Variants in MICU3 observed in about 807,000 individuals in gnomAD.
MICU3 encodes calcium uptake protein 3, mitochondrial.
MICU3 carries 62 observed loss-of-function variants against 66.5 expected under a neutral mutation model. That is an observed-to-expected ratio of 0.93 (90% CI 0.76 to 1.15). The LOEUF (loss-of-function observed/expected upper bound fraction) is 1.15. Ranked by LOEUF, MICU3 falls within the 50% of genes most tolerant of loss-of-function variation. The pLI, the probability that MICU3 is intolerant of heterozygous loss-of-function variation, is 0.00. For synonymous variants in MICU3, 308 were observed against 240.7 expected (o/e 1.28, Z -2.59); for missense variants, 779 against 664.4 (o/e 1.17, Z -1.90).
chr8:17,072,604 A>G (rs1352139116), intron 3 of MICU3, among the ~76,000 whole-genome samples: 4 of 152,210 alleles, frequency 2.6e-5, no homozygotes, highest in Non-Finnish European at 5.9e-5. Context: ...GCAACATATC[A>G]ACAGAAGAGG....
rs1371880576 is a variant in MICU3, at chr8:17,094,697, ATTAG to A, written c.889-3758_889-3755del. On this transcript the variant is annotated intron_variant, in intron 8 of 14. Transcript: ENST00000318063. ...AAATCTGAATAACCATGGTTTGTCTATTAGTTGTTCTTTCAAGTAAAAGTGGTGG... is the reference window on the plus strand; with the variant it reads ...AAATCTGAATAACCATGGTTTGTCTATTGTTCTTTCAAGTAAAAGTGGTGG... Among the ~76,000 whole-genome samples the A allele has an allele frequency of 5.9e-5, 9 of 151,974 alleles. No individual in the cohort carries two copies. The East Asian group carries it at 1.5e-3, about 26-fold the overall frequency.
intron 1 of MICU3, among the ~76,000 whole-genome samples, chr8:17,040,942 G>C (rs1417581325): frequency 6.6e-6 from 1 of 152,166 alleles, no homozygotes; most frequent in South Asian, 2.1e-4. Context: ...CTGAGACTAG[G>C]CCTTCAGGAG....
At position 17,046,889 on chromosome 8, in the gene MICU3, T is replaced by C. The variant is rs187207877; in HGVS notation, c.382-17195T>C. ...CTCATGTGGGCTCAGGGTTAGAAGTTACATTACCCAAGCAGAGAAGGAGCA... is the reference window on the plus strand; with the variant it reads ...CTCATGTGGGCTCAGGGTTAGAAGTCACATTACCCAAGCAGAGAAGGAGCA... On this transcript the variant is annotated intron_variant, in intron 1 of 14. Transcript: ENST00000318063. Among the ~76,000 whole-genome samples the C allele has an allele frequency of 3.1e-4, 47 of 152,104 alleles. 2 individuals are homozygous for C. The highest frequency in any genetic ancestry group is 1.1e-3 in the African/African-American group (45 of 41,508).
In MICU3 at chr8:17,100,209, C is replaced by CT. The variant is rs778367575; in HGVS notation, c.984+1668dup. Among the ~76,000 whole-genome samples, 1,149 of 144,118 alleles carry CT rather than the reference C, an allele frequency of 8.0e-3. 13 individuals are homozygous for CT. Among genetic ancestry groups the CT allele is most frequent in the African/African-American group, 0.026 (1,026 of 39,664 alleles). The allele number at this position is 144,118 out of a possible 152,430, so 94.5% of individuals were successfully genotyped here. On this transcript the variant is annotated intron_variant, in intron 9 of 14. Transcript: ENST00000318063. ...AAACTGGCCAACATTACAAATCAGC[C>CT]TTTTTTTTTTTTCCCGGACAACTCA...
downstream of MICU3, among the ~76,000 whole-genome samples, chr8:17,123,091 G>T (rs1336474927): frequency 1.3e-5 from 2 of 151,924 alleles, no homozygotes; most frequent in East Asian, 3.9e-4. Context: ...ATAATATTCA[G>T]AAACTGTAAT....
At chr8:17,133,085 C>T in the MICU3 span, 1 of 152,180 alleles carries the variant, frequency 6.6e-6, no homozygotes, top group Non-Finnish European at 1.5e-5. Context: ...AAATAAGTTT[C>T]TGTTGTTTAT....
chr8:17,094,041 C>T (rs1746033548), intron 8 of MICU3, among the ~76,000 whole-genome samples: 2 of 151,882 alleles, frequency 1.3e-5, no homozygotes, highest in South Asian at 4.1e-4. Context: ...TAAACACAAT[C>T]ATGACTTTTA....
intron 1 of MICU3, among the ~76,000 whole-genome samples, chr8:17,060,265 A>G (rs1358663353): frequency 1.3e-5 from 2 of 150,416 alleles, no homozygotes; most frequent in Admixed American, 1.3e-4. Flanking sequence ...GATCAGACCA[A>G]TTTACTGGGT....
chr8:17,132,068 T>G, the MICU3 span: 14 of 152,214 alleles, frequency 9.2e-5, no homozygotes, highest in Non-Finnish European at 1.9e-4. Flanking sequence ...CATACAGTGC[T>G]GTGGCTATAT....
the MICU3 span, among the ~76,000 whole-genome samples, chr8:17,130,444 C>T: frequency 0.35 from 53,579 of 151,566 alleles, 9,667 homozygotes; most frequent in Non-Finnish European, 0.39. Flanking sequence ...AATCACTTGA[C>T]TGAGGTGGAG....
intron 6 of MICU3, among the ~76,000 whole-genome samples, chr8:17,086,349 A>G (rs1453471803): frequency 1.3e-5 from 2 of 152,110 alleles, no homozygotes; most frequent in East Asian, 1.9e-4. Flanking sequence ...AAAGGGAAAC[A>G]AGCAGACTGA....
At position 17,120,962 on chromosome 8, in the gene MICU3, A is replaced by T. The variant is rs1191134729; in HGVS notation, c.*675A>T. On this transcript the variant is annotated 3_prime_UTR_variant, in exon 15 of 15. Transcript: ENST00000318063. ...TGCCAAAGTCAACAGAATGTCTGTT[A>T]TTGTTTTATGTATACGGTAAAGAAA... The T allele has an allele frequency of 6.6e-6, 1 of 151,982 alleles. No individual in the cohort carries two copies. The highest frequency in any genetic ancestry group is 1.5e-5 in the Non-Finnish European group (1 of 67,852). The allele number at this position is 151,982 out of a possible 1,614,324, so 9.4% of individuals were successfully genotyped here.
At chr8:17,134,100 T>A in the MICU3 span, 2 of 152,232 alleles carry the variant, frequency 1.3e-5, no homozygotes, top group Non-Finnish European at 2.9e-5. Flanking sequence ...TTTAAAATTA[T>A]AAATTAATTT....
At chr8:17,130,880 A>G in the MICU3 span, among the ~76,000 whole-genome samples, 1 of 152,254 alleles carries the variant, frequency 6.6e-6, no homozygotes, top group African/African-American at 2.4e-5. Context: ...CATTCCAACT[A>G]AAACTCAGAT....
rs1022990368 is a variant in MICU3, at chr8:17,043,085, G to A, written c.381+15425G>A. 2.8e-4 allele frequency among the ~76,000 whole-genome samples: 43 copies of A among 151,318 alleles called. 1 individual carries two copies. The highest frequency in any genetic ancestry group is 1.0e-3 in the African/African-American group (41 of 41,146). On this transcript the variant is annotated intron_variant, in intron 1 of 14. Coordinates refer to ENST00000318063, the MANE Select transcript of MICU3 (RefSeq NM_181723.3). ...CTCCCGAGTAGCTGGGACTACAGGC[G>A]CCCACCACCACGCCCGGCTAATTTT... is the stretch of plus-strand genomic sequence containing the variant.
chr8:17,042,317 C>T (rs1814277638), intron 1 of MICU3, among the ~76,000 whole-genome samples: 1 of 152,172 alleles, frequency 6.6e-6, no homozygotes, highest in Admixed American at 6.5e-5. Flanking sequence ...TCACTGCTCT[C>T]CTGTAATTGT....
intron 1 of MICU3, among the ~76,000 whole-genome samples, chr8:17,040,960 A>T (rs901086218): frequency 2.0e-5 from 3 of 152,220 alleles, no homozygotes; most frequent in African/African-American, 7.2e-5. Flanking sequence ...GAGAAAAAAC[A>T]GGTTGGGAAT....
At chr8:17,118,015 G>C (rs74527553) in intron 13 of MICU3, among the ~76,000 whole-genome samples, 4 of 152,168 alleles carry the variant, frequency 2.6e-5, no homozygotes, top group African/African-American at 9.7e-5. Flanking sequence ...CAAGCTACTT[G>C]AGTAAAGATG....
At chr8:17,087,707 A>G (rs945388682) in intron 7 of MICU3, among the ~76,000 whole-genome samples, 2 of 152,054 alleles carry the variant, frequency 1.3e-5, no homozygotes, top group African/African-American at 4.8e-5. Context: ...TAGTATCCAT[A>G]ATTATAGATG....
Sources: gnomAD v4.1 joint callset for allele counts (sites outside exome capture counted in the v4.1 genomes callset) on GRCh38, gnomAD v4.1.1 for gene constraint, MANE v1.5 for transcripts, NCBI Gene and HGNC (gene_info 2026-07-23, HGNC 2026-07-21) for gene names.